The following ASPM variants were observed in gnomAD, a reference collection of about 807,000 sequenced individuals.
The protein encoded by ASPM is assembly factor for spindle microtubules.
Under a neutral mutation model 366.4 loss-of-function variants are expected in ASPM, and 256 were observed. The observed-to-expected ratio is 0.70, with a 90% CI of 0.63 to 0.77. The LOEUF is 0.77. ASPM is among the 30% of genes least tolerant of loss of function. ASPM has a pLI of 0.00. For synonymous variants in ASPM, 1,414 were observed against 1,342.9 expected, an observed-to-expected ratio of 1.05 and a Z score of -1.16; for missense variants, 4,146 against 4,090.4, an observed-to-expected ratio of 1.01 and a Z score of -0.37.
chr1:197,136,815 G>C (rs1658432637), intron 4 of ASPM, among the ~76,000 whole-genome samples: 2 of 151,926 alleles, frequency 1.3e-5, no homozygotes. Context: ...AGCTGAAAGA[G>C]ACAAATATTT....
chr1:197,123,143 C>T lies in ASPM; in HGVS notation c.3391-548G>A, dbSNP rs74936195. On this transcript the variant is annotated intron_variant, in intron 13 of 27. Transcript: ENST00000367409. ...AGTTAACGCATATATTTTCTGTATA[C>T]GGCACATCACAGTCTTCTCCTAAGA... Among the ~76,000 whole-genome samples the T allele has an allele frequency of 4.3e-3, 648 of 152,196 alleles. 7 individuals carry two copies. The highest frequency in any genetic ancestry group is 0.015 in the African/African-American group (623 of 41,540).
intron 27 of ASPM, among the ~76,000 whole-genome samples, chr1:197,085,321 C>T (rs558522792): frequency 1.2e-4 from 18 of 152,100 alleles, no homozygotes; most frequent in Admixed American, 3.3e-4. Context: ...AGATGACTAT[C>T]TTGGTCCTTT....
At chr1:197,120,622 C>T (rs1657879151) in intron 16 of ASPM, among the ~76,000 whole-genome samples, 1 of 152,090 alleles carries the variant, frequency 6.6e-6, no homozygotes, top group Non-Finnish European at 1.5e-5. Context: ...AATTCTAAAA[C>T]TCTCATTTAA....
At chr1:197,089,073 T>C (rs1469729792) in intron 25 of ASPM, among the ~76,000 whole-genome samples, 3 of 152,038 alleles carry the variant, frequency 2.0e-5, no homozygotes, top group East Asian at 1.9e-4. Flanking sequence ...TAACTCAATG[T>C]GTATAGTAAC....
At chr1:197,131,426 C>A (rs6679189) in intron 7 of ASPM, among the ~76,000 whole-genome samples, 116,020 of 152,136 alleles carry the variant, frequency 0.76, 48,531 homozygotes, top group East Asian at 0.98. Flanking sequence ...CAGTCAGTTT[C>A]AACATTCTAG....
At chr1:197,139,154 G>C (rs781048936) in intron 4 of ASPM, 29 of 928,534 alleles carry the variant, frequency 3.1e-5, no homozygotes, top group Non-Finnish European at 4.6e-5. Context: ...TTTCCACATT[G>C]GTACAAAGAA....
rs1294874152 is a variant in ASPM, at chr1:197,100,931, C to T, written c.8320G>A (p.Ala2774Thr). 4.3e-6 allele frequency: 7 copies of T among 1,612,588 alleles called. No homozygotes were observed. The Admixed American group carries it at 1.2e-4, about 27-fold the overall frequency. The change falls in exon 18 of 28, where the codon GCA (alanine) becomes ACA (threonine). Residue 2774 changes from alanine to threonine, a missense_variant. By Grantham distance (58) the Ala-to-Thr change is moderately conservative. Coordinates refer to ENST00000367409, the MANE Select transcript of ASPM (RefSeq NM_018136.5). ...EKMAAIVNQS[A>T]LCCYRSKTQY... The stretch of plus-strand genomic sequence containing the variant: ...GTTTTACTTCTGTAACAGCAGAGTG[C>T]AGATTGGTTAACAATGGCTGCCATC...
Position 197,093,491 on chromosome 1 carries a change from C to T in ASPM, c.9085-230G>A, listed in dbSNP as rs1002419271. Among the ~76,000 whole-genome samples the T allele has an allele frequency of 2.6e-5, 4 of 151,790 alleles. No individual in the cohort carries two copies. The Admixed American group carries it at 2.6e-4, about 10-fold the overall frequency. ...GTCAAGGGTCAATAGATACCTGGTG[C>T]TCTTTCCCTCTCATCCTCTTGATAC... is the stretch of plus-strand genomic sequence containing the variant. On this transcript the variant is annotated intron_variant, in intron 20 of 27. Coordinates refer to ENST00000367409, the MANE Select transcript of ASPM (RefSeq NM_018136.5).
intron 11 of ASPM, 23 bp downstream of exon 11, chr1:197,125,023 T>C: frequency 6.2e-7 from 1 of 1,612,658 alleles, no homozygotes; most frequent in Non-Finnish European, 8.5e-7. Flanking sequence ...GGAGAATAAG[T>C]TTTACCTCTA....
intron 21 of ASPM, 85 bp downstream of exon 21, chr1:197,092,967 T>C: frequency 1.7e-6 from 2 of 1,188,942 alleles, no homozygotes; most frequent in Non-Finnish European, 1.2e-6. Flanking sequence ...GAAATTATTC[T>C]CTAAAATCCA....
At position 197,104,399 on chromosome 1, in the gene ASPM, C is replaced by T. The variant is rs373247363; in HGVS notation, c.4852G>A (p.Ala1618Thr). The change falls in exon 18 of 28, where the codon GCT (alanine) becomes ACT (threonine). Residue 1618 changes from alanine (A) to threonine (T), a missense_variant. Transcript: ENST00000367409. ...AAVIIQTHFR[A>T]YIFAMKVLAS... Reference sequence around the variant, plus strand: ...AGAACTTTCATGGCAAAAATATAAGCTCGGAAATGAGTCTGAATTATAACA... The same window carrying T: ...AGAACTTTCATGGCAAAAATATAAGTTCGGAAATGAGTCTGAATTATAACA... The T allele has an allele frequency of 5.6e-6, 9 of 1,612,922 alleles. No individual in the cohort carries two copies. In the African/African-American group the frequency reaches 9.4e-5, roughly 17 times the overall value.
intron 19 of ASPM, among the ~76,000 whole-genome samples, chr1:197,094,919 T>G (rs1189840277): frequency 6.6e-6 from 1 of 151,748 alleles, no homozygotes; most frequent in Non-Finnish European, 1.5e-5. Context: ...TAATAGCTGA[T>G]AGTAGCAACT....
intron 18 of ASPM, among the ~76,000 whole-genome samples, chr1:197,100,104 G>A (rs1657104280): frequency 6.6e-6 from 1 of 151,588 alleles, no homozygotes; most frequent in South Asian, 2.1e-4. Context: ...CTTTATCTTA[G>A]CTTATATTTT....
chr1:197,097,080 C>T (rs185855574), intron 18 of ASPM, among the ~76,000 whole-genome samples: 3 of 151,694 alleles, frequency 2.0e-5, no homozygotes, highest in Non-Finnish European at 3.0e-5. Flanking sequence ...CCCAATTCCC[C>T]TTGGGAAGAG....
In ASPM at chr1:197,142,608, T is replaced by C; in HGVS notation, c.1644A>G (p.Ile548Met). 2 of 1,612,810 alleles carry C rather than the reference T, an allele frequency of 1.2e-6. No homozygotes were observed. Among genetic ancestry groups the C allele is most frequent in the Non-Finnish European group, 1.7e-6 (2 of 1,178,978 alleles). The change falls in exon 3 of 28, where the codon ATA (isoleucine) becomes ATG (methionine). Residue 548 changes from isoleucine to methionine, a missense_variant. Transcript: ENST00000367409. ...TCTTAGATTTACTTAATATTGGATC[T>C]ATAATTGGAAGATAAGAATGAAAAT... is the stretch of plus-strand genomic sequence containing the variant. ...KEDFHSYLPI[I>M]DPILSKSKSY...
In ASPM at chr1:197,090,181, T is replaced by C. The variant is rs757607845; in HGVS notation, c.9829+15A>G. 4 of 1,612,992 alleles carry C rather than the reference T, an allele frequency of 2.5e-6. No individual in the cohort carries two copies. Among genetic ancestry groups the C allele is most frequent in the Admixed American group, 3.3e-5 (2 of 59,930 alleles). ...AGTATTACATCATTCTTTAAACATG[T>C]TAACACAAACTAACCTAGGTGTTTT... On this transcript the variant is annotated intron_variant, in intron 24 of 27. Coordinates refer to ENST00000367409, the MANE Select transcript of ASPM (RefSeq NM_018136.5).
At chr1:197,085,812 C>T (rs78390689) in intron 27 of ASPM, among the ~76,000 whole-genome samples, 2,815 of 152,196 alleles carry the variant, frequency 0.018, 86 homozygotes, top group African/African-American at 0.064. Context: ...TATTTTGTAT[C>T]TCAGTGGTGG....
At chr1:197,090,812 C>A (rs1157527536) in intron 23 of ASPM, 38 bp downstream of exon 23, 1 of 1,575,840 alleles carries the variant, frequency 6.3e-7, no homozygotes, top group East Asian at 2.2e-5. Context: ...GAATTGCAAA[C>A]TAAAGTTTTG....
At chr1:197,139,915 A>G in intron 3 of ASPM, 44 bp from the exon 4 acceptor site, 1 of 1,305,328 alleles carries the variant, frequency 7.7e-7, no homozygotes, top group Non-Finnish European at 1.1e-6. Context: ...TAAAATACAA[A>G]TTCCCTAAAT....
Sources: allele counts gnomAD v4.1 joint callset (sites outside exome capture counted in the v4.1 genomes callset), GRCh38; gene constraint gnomAD v4.1.1; transcripts MANE v1.5; gene names NCBI Gene and HGNC (gene_info 2026-07-23, HGNC 2026-07-21).